The following GTF3C1 variants were observed in gnomAD, a reference collection of about 807,000 sequenced individuals.
The protein encoded by GTF3C1 is general transcription factor 3C polypeptide 1.
In GTF3C1, 57 loss-of-function variants were observed where a neutral mutation model predicts 226.7. The observed-to-expected ratio is 0.25, with a 90% CI of 0.20 to 0.31. The LOEUF is 0.31. Among genes scored for constraint, GTF3C1 ranks in the 10% least tolerant of loss-of-function variants. GTF3C1 has a pLI of 1.00. For synonymous variants in GTF3C1, 1,090 were observed against 1,084.8 expected (o/e 1.00, Z -0.09); for missense variants, 2,217 against 2,776.1 (o/e 0.80, Z 4.53).
In GTF3C1 at chr16:27,469,759, T is replaced by C. The variant is rs1273996667; in HGVS notation, c.4815-209A>G. On this transcript the variant is annotated intron_variant, in intron 31 of 36. Transcript: ENST00000356183. The surrounding 1 kb of genome is among the most constrained non-coding windows in gnomAD (Gnocchi z 4.5). Reference sequence around the variant, plus strand: ...TGCACCGCGCTCACCCCTTGTCACATAGCTGTATCTCTGTGGGGACTGTTC... The same window carrying C: ...TGCACCGCGCTCACCCCTTGTCACACAGCTGTATCTCTGTGGGGACTGTTC... 6.6e-6 allele frequency among the ~76,000 whole-genome samples: 1 copy of C among 152,110 alleles called. No homozygotes were observed. Among genetic ancestry groups the C allele is most frequent in the African/African-American group, 2.4e-5 (1 of 41,412 alleles).
intron 23 of GTF3C1, among the ~76,000 whole-genome samples, chr16:27,487,596 C>A (rs1476648186): frequency 6.6e-6 from 1 of 152,174 alleles, no homozygotes; most frequent in East Asian, 1.9e-4. Flanking sequence ...GAGTTCCAGA[C>A]CAGCCTGGAC....
chr16:27,517,379 C>T (rs921155303), intron 6 of GTF3C1, among the ~76,000 whole-genome samples: 3 of 152,168 alleles, frequency 2.0e-5, no homozygotes, highest in African/African-American at 7.2e-5. Context: ...GAGCAAGACC[C>T]GAATAAGCGC....
In GTF3C1 at chr16:27,494,828, C is replaced by T. The variant is rs374642552; in HGVS notation, c.2713G>A (p.Val905Ile). 74 of 1,612,148 alleles carry T rather than the reference C, an allele frequency of 4.6e-5. No individual in the cohort carries two copies. The highest frequency in any genetic ancestry group is 1.6e-4 in the Middle Eastern group (1 of 6,082). Residue 905 changes from valine to isoleucine, a missense_variant, in exon 16 of 37, where the codon GTC becomes ATC. Transcript: ENST00000356183. Reference protein sequence around the residue: ...HRDFGFGWALVSDILLCLPLS... With the variant: ...HRDFGFGWALISDILLCLPLS... ...GGAAGGCAGAGGAGGATGTCGCTGA[C>T]GAGAGCCCAGCCAAAGCCGAAGTCC...
chr16:27,524,826 A>G (rs984077087), intron 6 of GTF3C1, among the ~76,000 whole-genome samples: 1 of 152,264 alleles, frequency 6.6e-6, no homozygotes, highest in Non-Finnish European at 1.5e-5. Flanking sequence ...ACAGGCCATG[A>G]GTATTTAGGT....
rs1213727736 is a variant in GTF3C1, at chr16:27,484,076, C to T, written c.4001+135G>A. ...TCACCCTCAAAAAACCAAGGTCCATCTCCCCAGCAGACTCCAACACTTGGC... is the reference window on the plus strand; with the variant it reads ...TCACCCTCAAAAAACCAAGGTCCATTTCCCCAGCAGACTCCAACACTTGGC... On this transcript the variant is annotated intron_variant, in intron 25 of 36. Transcript: ENST00000356183. The T allele has an allele frequency of 2.4e-5, 16 of 673,244 alleles. 1 individual carries two copies. In the South Asian group the frequency reaches 3.1e-4, roughly 13 times the overall value. 41.7% of individuals were successfully genotyped at this position (673,244 alleles called of 1,614,324 possible).
intron 26 of GTF3C1, 114 bp downstream of exon 26, chr16:27,482,930 C>G: frequency 1.2e-6 from 1 of 842,640 alleles, no homozygotes; most frequent in Non-Finnish European, 1.9e-6. Context: ...GAGCAGGAAA[C>G]AAAGTCCACG....
intron 26 of GTF3C1, chr16:27,482,371 A>C (rs72784359): frequency 0.013 from 5,639 of 422,306 alleles, 51 homozygotes; most frequent in Non-Finnish European, 0.02. Context: ...TACTCTCATT[A>C]GGTTAGGTTT....
In GTF3C1 at chr16:27,471,669, A is replaced by C. The variant is rs2087872672; in HGVS notation, c.4526+79T>G. 3.9e-5 allele frequency: 46 copies of C among 1,170,410 alleles called. No individual in the cohort carries two copies. In the South Asian group the frequency reaches 5.6e-4, roughly 14 times the overall value. The allele number at this position is 1,170,410 out of a possible 1,614,324, so 72.5% of individuals were successfully genotyped here. ...CTGGCTCCTACACGCTTTCATGGCC[A>C]CAGTGCTTCCTTTGCTCCTCTTTAC... On this transcript the variant is annotated intron_variant, in intron 30 of 36. Coordinates refer to ENST00000356183, the MANE Select transcript of GTF3C1 (RefSeq NM_001520.4). This position sits in a 1 kb window ranked among gnomAD's most constrained non-coding sequence, Gnocchi z 5.0.
rs773862297 is a variant in GTF3C1, at chr16:27,470,214, C to A, written c.4708G>T (p.Ala1570Ser). 8.0e-5 allele frequency: 129 copies of A among 1,613,418 alleles called. No homozygotes were observed. Among genetic ancestry groups the A allele is most frequent in the Non-Finnish European group, 1.0e-4 (119 of 1,179,478 alleles). Residue 1570 changes from alanine to serine, a missense_variant, in exon 31 of 37, where the codon GCC becomes TCC. Around this residue, in one of 12 missense-constraint regions of GTF3C1, gnomAD observed 546 missense variants for 663.0 expected, o/e 0.82. Coordinates refer to ENST00000356183, the MANE Select transcript of GTF3C1 (RefSeq NM_001520.4). This position sits in a 1 kb window ranked among gnomAD's most constrained non-coding sequence, Gnocchi z 4.9. ...SLDGPGGNCV[A>S]VLTLFSLGLI... is the part of the protein sequence containing the mutation. ...CCCAGAGAGAAGAGGGTCAGGACGGCCACACAATTTCCTCCAGGGCCGTCC... is the reference window on the plus strand; with the variant it reads ...CCCAGAGAGAAGAGGGTCAGGACGGACACACAATTTCCTCCAGGGCCGTCC...
chr16:27,549,014 C>G (rs1042421359), intron 1 of GTF3C1, among the ~76,000 whole-genome samples: 2 of 152,214 alleles, frequency 1.3e-5, no homozygotes, highest in East Asian at 3.9e-4. Context: ...ATTAGCCGGG[C>G]GTGGTGGAAC....
chr16:27,544,649 G>C (rs1435057840), intron 2 of GTF3C1, among the ~76,000 whole-genome samples: 1 of 151,994 alleles, frequency 6.6e-6, no homozygotes, highest in Non-Finnish European at 1.5e-5. Context: ...GGCAGGAATG[G>C]AGTTAGGTGC....
chr16:27,534,105 G>A (rs1197175082), intron 4 of GTF3C1, among the ~76,000 whole-genome samples: 2 of 152,152 alleles, frequency 1.3e-5, no homozygotes, highest in African/African-American at 2.4e-5. Context: ...ACAAACCTAG[G>A]TCTTCTTCCT....
chr16:27,501,828 C>T (rs2088408912), intron 11 of GTF3C1, among the ~76,000 whole-genome samples: 1 of 152,134 alleles, frequency 6.6e-6, no homozygotes, highest in Admixed American at 6.5e-5. Flanking sequence ...GGCCAGTGGG[C>T]GTGGTGGCTC....
At chr16:27,536,093 A>G (rs540848800) in intron 4 of GTF3C1, among the ~76,000 whole-genome samples, 12 of 152,370 alleles carry the variant, frequency 7.9e-5, no homozygotes, top group Admixed American at 3.3e-4. Context: ...TTAACAGACA[A>G]TGTAAACTTA....
chr16:27,487,193 C>T (rs1468155457), intron 23 of GTF3C1, among the ~76,000 whole-genome samples: 4 of 152,352 alleles, frequency 2.6e-5, no homozygotes, highest in Admixed American at 6.5e-5. Context: ...CCAAATTGGT[C>T]TTACACATAT....
chr16:27,520,749 T>C (rs761994891), intron 6 of GTF3C1, among the ~76,000 whole-genome samples: 1 of 152,150 alleles, frequency 6.6e-6, no homozygotes, highest in Non-Finnish European at 1.5e-5. Flanking sequence ...AGATGGAGTT[T>C]TGCTCTGTCG....
chr16:27,539,102 A>G (rs2089045054), intron 2 of GTF3C1, among the ~76,000 whole-genome samples: 1 of 147,384 alleles, frequency 6.8e-6, no homozygotes, highest in South Asian at 2.1e-4. Flanking sequence ...GGACATCCTC[A>G]GTGCGCAGAA....
chr16:27,532,065 A>G (rs1248684736), intron 5 of GTF3C1, among the ~76,000 whole-genome samples: 3 of 152,230 alleles, frequency 2.0e-5, no homozygotes, highest in Non-Finnish European at 4.4e-5. Flanking sequence ...AACTAGTTCC[A>G]GCTAACTGAT....
At chr16:27,483,394 G>A (rs1202761536) in intron 25 of GTF3C1, 3 of 589,000 alleles carry the variant, frequency 5.1e-6, no homozygotes, top group Non-Finnish European at 9.6e-6. Flanking sequence ...GTCCCAAACT[G>A]TCTCTCACAG....
Sources: gnomAD v4.1 joint callset for allele counts (sites outside exome capture counted in the v4.1 genomes callset) on GRCh38, gnomAD v4.1.1 for gene constraint, gnomAD v4.1.1 regional missense constraint, Gnocchi (gnomAD v3.1) non-coding constraint, MANE v1.5 for transcripts, NCBI Gene and HGNC (gene_info 2026-07-23, HGNC 2026-07-21) for gene names.